SRGAP2B: variants seen among roughly 807,000 people sequenced by gnomAD.
The protein encoded by SRGAP2B is SLIT-ROBO Rho GTPase-activating protein 2B.
A neutral mutation model predicts 22.2 loss-of-function variants in SRGAP2B; 9 were observed. The ratio of observed to expected loss-of-function variants is 0.41; its 90% CI spans 0.24 to 0.71. The LOEUF (loss-of-function observed/expected upper bound fraction) is 0.71, where lower values mean the gene tolerates loss of function less well. Among genes scored for constraint, SRGAP2B ranks in the 30% least tolerant of loss-of-function variants. The pLI, the probability that SRGAP2B is intolerant of heterozygous loss-of-function variation, is 0.35. For missense variants in SRGAP2B, 114 were observed against 235.8 expected (o/e 0.48, Z 3.38); for synonymous variants, 36 against 87.4 (o/e 0.41, Z 3.28).
intron 4 of SRGAP2B, among the ~76,000 whole-genome samples, chr1:144,940,989 G>A (rs1665996379): frequency 6.7e-6 from 1 of 149,280 alleles, no homozygotes; most frequent in Non-Finnish European, 1.5e-5. Flanking sequence ...AATATATAAT[G>A]TAACTCTCAT....
At chr1:144,995,140 A>T in exon 3 of SRGAP2B, 1 of 1,143,674 alleles carries the variant, frequency 8.7e-7, no homozygotes. Flanking sequence ...CAACAGTTGC[A>T]CCCGAAGCTC....
At chr1:144,929,687 A>G (rs1665033517) in intron 4 of SRGAP2B, among the ~76,000 whole-genome samples, 1 of 151,290 alleles carries the variant, frequency 6.6e-6, no homozygotes, top group Admixed American at 6.6e-5. Context: ...GATGAGAGAT[A>G]TATTAGGTCT....
At chr1:144,905,662 G>C (rs1218578660) in intron 6 of SRGAP2B, among the ~76,000 whole-genome samples, 197 bp downstream of exon 6, 2 of 149,594 alleles carry the variant, frequency 1.3e-5, no homozygotes, top group Admixed American at 6.6e-5. Flanking sequence ...TAGAAACTTG[G>C]AACCCACGTG....
At chr1:144,958,648 T>TC (rs1250518622) in intron 3 of SRGAP2B, among the ~76,000 whole-genome samples, 1 of 125,708 alleles carries the variant, frequency 8.0e-6, no homozygotes, top group Non-Finnish European at 1.6e-5. Context: ...AGAGCAAGAC[T>TC]CCATCTCAAA....
At chr1:145,009,574 C>G (rs1212560270) in intron 2 of SRGAP2B, among the ~76,000 whole-genome samples, 1 of 141,436 alleles carries the variant, frequency 7.1e-6, no homozygotes, top group Non-Finnish European at 1.5e-5. Flanking sequence ...GGCGACAGAG[C>G]GAGACTCCGT....
In SRGAP2B at chr1:144,992,206, C is replaced by T. The variant is rs587686050; in HGVS notation, c.260+2802G>A. ...CGAACCCACCAGAAGGAAGAAACTC[C>T]GAACACATCTGAACATCAGAAGGGA... On this transcript the variant is annotated intron_variant, in intron 3 of 9. Coordinates refer to ENST00000612199, the Ensembl canonical transcript of SRGAP2B. 2.6e-4 allele frequency among the ~76,000 whole-genome samples: 39 copies of T among 150,590 alleles called. 1 individual carries two copies. Among genetic ancestry groups the T allele is most frequent in the Admixed American group, 1.3e-3 (20 of 15,170 alleles).
intron 3 of SRGAP2B, among the ~76,000 whole-genome samples, chr1:144,971,692 G>A (rs1294443178): frequency 4.0e-5 from 6 of 150,878 alleles, no homozygotes; most frequent in East Asian, 3.9e-4. Flanking sequence ...GACTTTAAAC[G>A]AAAGAATCAT....
intron 5 of SRGAP2B, among the ~76,000 whole-genome samples, chr1:144,909,055 AAAT>A (rs1663201747): frequency 6.9e-6 from 1 of 144,704 alleles, no homozygotes; most frequent in South Asian, 2.2e-4. Flanking sequence ...AGCCACACTA[AAAT>A]AATAGGAAAA....
intron 4 of SRGAP2B, among the ~76,000 whole-genome samples, chr1:144,933,368 A>C (rs1665354691): frequency 6.7e-6 from 1 of 150,212 alleles, no homozygotes; most frequent in Admixed American, 6.6e-5. Context: ...TTCATGACCC[A>C]CAAGGGCATT....
chr1:144,971,485 A>C (rs1414784828), intron 3 of SRGAP2B, among the ~76,000 whole-genome samples: 1 of 150,234 alleles, frequency 6.7e-6, no homozygotes, highest in Non-Finnish European at 1.5e-5. Flanking sequence ...GTTGGAGTAC[A>C]CGGGCATGAC....
chr1:144,925,776 A>AAAAT (rs1570756456), intron 4 of SRGAP2B, among the ~76,000 whole-genome samples: 1 of 143,950 alleles, frequency 6.9e-6, no homozygotes, highest in East Asian at 2.1e-4. Context: ...AGAAAGAAAG[A>AAAAT]AAGAAAGAAA....
chr1:144,944,724 T>C (rs1666357906), intron 4 of SRGAP2B, among the ~76,000 whole-genome samples: 1 of 140,428 alleles, frequency 7.1e-6, no homozygotes, highest in Non-Finnish European at 1.5e-5. Context: ...TATTTATTTA[T>C]TTTTTGAGAT....
At chr1:144,929,428 T>C (rs1318922391) in intron 4 of SRGAP2B, among the ~76,000 whole-genome samples, 1 of 150,682 alleles carries the variant, frequency 6.6e-6, no homozygotes, top group Non-Finnish European at 1.5e-5. Context: ...CTAAGAGTTT[T>C]ATAGTTTTGG....
At chr1:144,992,913 C>G (rs1295180977) in intron 3 of SRGAP2B, among the ~76,000 whole-genome samples, 1 of 151,330 alleles carries the variant, frequency 6.6e-6, no homozygotes, top group South Asian at 2.1e-4. Context: ...GAGAAGATAA[C>G]AGAAGGTAGA....
At chr1:145,040,597 T>C (rs1649111667) in intron 2 of SRGAP2B, among the ~76,000 whole-genome samples, 1 of 149,872 alleles carries the variant, frequency 6.7e-6, no homozygotes, top group Non-Finnish European at 1.5e-5. Context: ...TGGGTATGAC[T>C]GTTCCAATAT....
rs371444136 is a variant in SRGAP2B, at chr1:144,953,018, A to G, written c.423+2421T>C. Among the ~76,000 whole-genome samples, 122 of 145,342 alleles carry G rather than the reference A, an allele frequency of 8.4e-4. No individual in the cohort carries two copies. In the East Asian group the frequency reaches 0.022, roughly 26 times the overall value. On this transcript the variant is annotated intron_variant, in intron 4 of 9. Coordinates refer to ENST00000612199, the Ensembl canonical transcript of SRGAP2B. ...CATGGGAATGCCCCAAGGGAGGGAG[A>G]AAAGAGATTATTCACCCTGTGGGAT...
chr1:144,994,549 T>TGA (rs61213304), intron 3 of SRGAP2B, among the ~76,000 whole-genome samples: 3 of 29,544 alleles, frequency 1.0e-4, no homozygotes, highest in East Asian at 1.2e-3. Context: ...TGTGTGAGTG[T>TGA]GAGTGTGTGT....
intron 2 of SRGAP2B, among the ~76,000 whole-genome samples, chr1:145,010,792 C>A (rs1266321269): frequency 1.3e-5 from 2 of 148,776 alleles, no homozygotes; most frequent in Non-Finnish European, 3.0e-5. Flanking sequence ...TCCTACCTGC[C>A]TGCCCTGTCT....
At chr1:145,062,535 T>C (rs1314036890) in intron 2 of SRGAP2B, among the ~76,000 whole-genome samples, 1 of 152,278 alleles carries the variant, frequency 6.6e-6, no homozygotes, top group Non-Finnish European at 1.5e-5. Flanking sequence ...TTATAGTCAG[T>C]CTAATACCTT....
Sources: gnomAD v4.1 joint callset for allele counts (sites outside exome capture counted in the v4.1 genomes callset) on GRCh38, gnomAD v4.1.1 for gene constraint, MANE v1.5 for transcripts, NCBI Gene and HGNC (gene_info 2026-07-23, HGNC 2026-07-21) for gene names.